Variants in GPHN observed in about 807,000 individuals in gnomAD.
GPHN encodes gephyrin.
In GPHN, 17 loss-of-function variants were observed where a neutral mutation model predicts 95.5. That is an observed-to-expected ratio of 0.18 (90% CI 0.12 to 0.27). GPHN has a LOEUF of 0.27. Among genes scored for constraint, GPHN ranks in the 10% least tolerant of loss-of-function variants. GPHN has a pLI of 1.00. For missense variants in GPHN, 660 were observed against 978.1 expected (o/e 0.67, Z 4.34); for synonymous variants, 320 against 322.5 (o/e 0.99, Z 0.08).
At chr14:67,656,585 C>T in the GPHN span, 16 of 1,597,760 alleles carry the variant, frequency 1.0e-5, no homozygotes, top group Non-Finnish European at 1.3e-5. Flanking sequence ...AGACTGTAGC[C>T]GATTCTGAAA....
chr14:67,351,802 T>C, the GPHN span, among the ~76,000 whole-genome samples: 3 of 151,660 alleles, frequency 2.0e-5, no homozygotes, highest in Admixed American at 6.6e-5. Context: ...ATTACAGGCA[T>C]GAGTCACCAC....
At chr14:67,125,685 G>C (rs1567369359) in intron 17 of GPHN, among the ~76,000 whole-genome samples, 1 of 152,040 alleles carries the variant, frequency 6.6e-6, no homozygotes, top group Non-Finnish European at 1.5e-5. Context: ...GCTGAGGCAG[G>C]GGAATCGCTT....
At chr14:66,602,084 T>A (rs563689543) in intron 1 of GPHN, among the ~76,000 whole-genome samples, 1 of 152,068 alleles carries the variant, frequency 6.6e-6, no homozygotes, top group South Asian at 2.1e-4. Context: ...GCGTTTCTGA[T>A]AACCAGCAAA....
the GPHN span, among the ~76,000 whole-genome samples, chr14:67,477,277 G>T: frequency 6.6e-6 from 1 of 152,138 alleles, no homozygotes; most frequent in Non-Finnish European, 1.5e-5. Flanking sequence ...GACATCTTCA[G>T]CCTTTTCCTC....
At chr14:67,505,093 G>T in the GPHN span, among the ~76,000 whole-genome samples, 1 of 152,074 alleles carries the variant, frequency 6.6e-6, no homozygotes, top group African/African-American at 2.4e-5. Context: ...GAACACCAAG[G>T]TGCACCAAGA....
At chr14:66,865,294 T>G (rs1386927702) in intron 4 of GPHN, among the ~76,000 whole-genome samples, 1 of 152,102 alleles carries the variant, frequency 6.6e-6, no homozygotes, top group Admixed American at 6.6e-5. Context: ...GGATGGATAT[T>G]CCATATACCA....
At chr14:67,672,199 A>C in the GPHN span, among the ~76,000 whole-genome samples, 1 of 151,164 alleles carries the variant, frequency 6.6e-6, no homozygotes, top group African/African-American at 2.4e-5. Context: ...GCTCACTGCA[A>C]CCTCCAGCTC....
At chr14:67,323,614 T>A in the GPHN span, 25,863 of 265,286 alleles carry the variant, frequency 0.097, 2,547 homozygotes, top group East Asian at 0.33. Context: ...TCCCTTAATC[T>A]AATATATATA....
chr14:67,720,579 C>G, the GPHN span, among the ~76,000 whole-genome samples: 1 of 152,190 alleles, frequency 6.6e-6, no homozygotes, highest in African/African-American at 2.4e-5. Flanking sequence ...AATCATCTGT[C>G]CCTTCCACTG....
chr14:66,933,658 A>G (rs2066945134), intron 8 of GPHN, among the ~76,000 whole-genome samples: 1 of 152,232 alleles, frequency 6.6e-6, no homozygotes, highest in Non-Finnish European at 1.5e-5. Context: ...ATAAAATGGA[A>G]ATAATAATTA....
chr14:67,033,131 G>A (rs1404595281), intron 10 of GPHN, among the ~76,000 whole-genome samples: 1 of 151,996 alleles, frequency 6.6e-6, no homozygotes, highest in Non-Finnish European at 1.5e-5. Flanking sequence ...TACAATAACT[G>A]AATTGAAAAA....
At chr14:66,530,706 C>G (rs1233947767) in intron 1 of GPHN, among the ~76,000 whole-genome samples, 3 of 152,058 alleles carry the variant, frequency 2.0e-5, no homozygotes, top group Non-Finnish European at 4.4e-5. Context: ...CCCTTGGCTA[C>G]GGATGGGAAT....
chr14:67,396,799 A>G, the GPHN span, among the ~76,000 whole-genome samples: 4 of 152,242 alleles, frequency 2.6e-5, no homozygotes, highest in Non-Finnish European at 5.9e-5. Flanking sequence ...TGGAATGCCA[A>G]ATATTTTTCA....
At chr14:66,927,325 C>T (rs1418548772) in intron 8 of GPHN, among the ~76,000 whole-genome samples, 3 of 142,830 alleles carry the variant, frequency 2.1e-5, no homozygotes, top group African/African-American at 8.1e-5. Flanking sequence ...CTTCAGCCTG[C>T]GTGATGGAGC....
rs549281261 is a variant in GPHN, at chr14:67,116,240, A to C, written c.1626+3069A>C. On this transcript the variant is annotated intron_variant, in intron 16 of 22. Transcript: ENST00000478722. ...CGCAATGACCATTCCACTGTACTAC[A>C]GCCTGGGAAACAGAGTGAGACAAAG... Among the ~76,000 whole-genome samples, 4 of 152,154 alleles carry C rather than the reference A, an allele frequency of 2.6e-5. No individual in the cohort carries two copies. In the East Asian group the frequency reaches 7.7e-4, roughly 29 times the overall value.
intron 8 of GPHN, among the ~76,000 whole-genome samples, chr14:66,939,484 G>A (rs575598357): frequency 1.5e-4 from 23 of 152,184 alleles, no homozygotes; most frequent in African/African-American, 4.6e-4. Flanking sequence ...AGGGAAATTG[G>A]AACTCCTGGC....
chr14:67,183,303 C>G (rs2083348642), downstream of GPHN, among the ~76,000 whole-genome samples: 1 of 152,076 alleles, frequency 6.6e-6, no homozygotes, highest in South Asian at 2.1e-4. Context: ...GGCATATGTG[C>G]ATATATGCAA....
At chr14:66,690,763 C>T (rs916098919) in intron 2 of GPHN, among the ~76,000 whole-genome samples, 1 of 151,366 alleles carries the variant, frequency 6.6e-6, no homozygotes, top group African/African-American at 2.5e-5. Context: ...TAATGACCTT[C>T]TTTGTTTCTT....
At chr14:66,513,494 G>C (rs2058122743) in intron 1 of GPHN, among the ~76,000 whole-genome samples, 5 of 151,618 alleles carry the variant, frequency 3.3e-5, no homozygotes, top group African/African-American at 1.2e-4. Flanking sequence ...CAGTAAAATA[G>C]ATAAAATCTA....
Sources: gnomAD v4.1 joint callset for allele counts (sites outside exome capture counted in the v4.1 genomes callset) on GRCh38, gnomAD v4.1.1 for gene constraint, MANE v1.5 for transcripts, NCBI Gene and HGNC (gene_info 2026-07-23, HGNC 2026-07-21) for gene names.